Variants in PUM2 observed in about 807,000 individuals in gnomAD.
PUM2 encodes the protein pumilio homolog 2.
In PUM2, 57 loss-of-function variants were observed where a neutral mutation model predicts 124.5. The ratio of observed to expected loss-of-function variants is 0.46; its 90% confidence interval spans 0.37 to 0.57. The LOEUF (loss-of-function observed/expected upper bound fraction) is 0.57, where lower values mean the gene tolerates loss of function less well. Among genes scored for constraint, PUM2 ranks in the 20% least tolerant of loss-of-function variants. The pLI, the probability that PUM2 is intolerant of heterozygous loss-of-function variation, is 0.00. For missense variants in PUM2, 1,065 were observed against 1,290.6 expected, an observed-to-expected ratio of 0.83 and a Z score of 2.68; for synonymous variants, 460 against 446.1, an observed-to-expected ratio of 1.03 and a Z score of -0.39.
chr2:20,255,436 A>G (rs1303464751), intron 17 of PUM2, 95 bp from the exon 18 acceptor site: 2 of 1,225,630 alleles, frequency 1.6e-6, no homozygotes, highest in Non-Finnish European at 2.3e-6. Flanking sequence ...TTTTGACAAC[A>G]CCTAAAAGCA....
chr2:20,319,335 T>C (rs1681754076), intron 2 of PUM2, among the ~76,000 whole-genome samples: 1 of 152,216 alleles, frequency 6.6e-6, no homozygotes, highest in African/African-American at 2.4e-5. Context: ...CCCTGTCGCT[T>C]AGGAGGTGGC....
intron 10 of PUM2, among the ~76,000 whole-genome samples, chr2:20,285,681 A>G (rs1672561626): frequency 6.6e-6 from 1 of 152,176 alleles, no homozygotes; most frequent in African/African-American, 2.4e-5. Context: ...CATGCCAGCC[A>G]CTATTCTAGG....
At chr2:20,265,897 A>G (rs1266050977) in intron 13 of PUM2, among the ~76,000 whole-genome samples, 2 of 152,160 alleles carry the variant, frequency 1.3e-5, no homozygotes, top group African/African-American at 4.8e-5. Flanking sequence ...TTTCGACACC[A>G]AATTCAAAAT....
chr2:20,303,842 C>A (rs1677581459), intron 7 of PUM2, among the ~76,000 whole-genome samples: 1 of 152,196 alleles, frequency 6.6e-6, no homozygotes, highest in Admixed American at 6.5e-5. Context: ...CTTTTCACAG[C>A]AATCTGTTGT....
chr2:20,252,467 C>T (rs1052673850), intron 20 of PUM2, among the ~76,000 whole-genome samples: 2 of 152,084 alleles, frequency 1.3e-5, no homozygotes, highest in African/African-American at 4.8e-5. Flanking sequence ...AATCAGAAGA[C>T]CAAAACACTT....
intron 1 of PUM2, among the ~76,000 whole-genome samples, chr2:20,327,867 G>A (rs1447997908): frequency 5.3e-5 from 8 of 152,174 alleles, no homozygotes; most frequent in African/African-American, 1.9e-4. Context: ...GAATCCCAGA[G>A]AGGACACGCC....
intron 12 of PUM2, among the ~76,000 whole-genome samples, chr2:20,281,774 T>C (rs1237704043): frequency 6.6e-6 from 1 of 152,222 alleles, no homozygotes; most frequent in East Asian, 1.9e-4. Context: ...TCAGATAATT[T>C]TGTGTCAGTC....
chr2:20,252,640 T>G (rs889703854), intron 20 of PUM2, among the ~76,000 whole-genome samples: 2 of 152,248 alleles, frequency 1.3e-5, no homozygotes, highest in Non-Finnish European at 2.9e-5. Context: ...TAAGTTTTCC[T>G]GCTGCAATTA....
chr2:20,272,835 T>C (rs1303481627), intron 13 of PUM2, among the ~76,000 whole-genome samples: 1 of 152,200 alleles, frequency 6.6e-6, no homozygotes. Context: ...CCATCAGCAT[T>C]TTATAGTTTA....
chr2:20,268,979 T>C (rs1233301750), intron 13 of PUM2, among the ~76,000 whole-genome samples: 2 of 152,120 alleles, frequency 1.3e-5, no homozygotes, highest in Non-Finnish European at 2.9e-5. Context: ...ATTTTACTTG[T>C]GAGACAACAG....
intron 4 of PUM2, 139 bp from the exon 5 acceptor site, chr2:20,311,802 T>A: frequency 9.7e-7 from 1 of 1,033,136 alleles, no homozygotes. Flanking sequence ...AGTCAATTAA[T>A]TTATCAAAGG....
At chr2:20,267,801 T>C (rs960846418) in intron 13 of PUM2, among the ~76,000 whole-genome samples, 2 of 152,178 alleles carry the variant, frequency 1.3e-5, no homozygotes, top group Admixed American at 1.3e-4. Context: ...CATACGACAG[T>C]GTGCCAATCT....
At chr2:20,321,472 C>T (rs1237283427) in intron 2 of PUM2, among the ~76,000 whole-genome samples, 1 of 152,088 alleles carries the variant, frequency 6.6e-6, no homozygotes, top group East Asian at 1.9e-4. Context: ...GAAATTAACA[C>T]TCTACCAAAG....
At chr2:20,326,153 A>G in intron 2 of PUM2, 1 of 1,013,666 alleles carries the variant, frequency 9.9e-7, no homozygotes, top group South Asian at 1.7e-5. Flanking sequence ...TTTTGTTTAC[A>G]AAAAAAATTC....
intron 16 of PUM2, among the ~76,000 whole-genome samples, chr2:20,256,760 T>G (rs1664870738): frequency 6.6e-6 from 1 of 152,080 alleles, no homozygotes; most frequent in African/African-American, 2.4e-5. Context: ...AATAAAGTGC[T>G]TATAGCCAGA....
intron 20 of PUM2, 42 bp downstream of exon 20, chr2:20,253,780 C>A (rs1161543306): frequency 1.3e-6 from 2 of 1,533,738 alleles, no homozygotes; most frequent in Admixed American, 3.6e-5. Flanking sequence ...GTAGCCTAAA[C>A]ACAAAGACAA....
intron 14 of PUM2, among the ~76,000 whole-genome samples, chr2:20,262,409 A>G (rs539964070): frequency 4.6e-5 from 7 of 152,400 alleles, no homozygotes; most frequent in African/African-American, 1.7e-4. Context: ...TACAGTATTC[A>G]GTACAGTGAC....
intron 7 of PUM2, among the ~76,000 whole-genome samples, chr2:20,303,447 T>TC: frequency 6.6e-6 from 1 of 151,520 alleles, no homozygotes; most frequent in Non-Finnish European, 1.5e-5. Flanking sequence ...TTTTTTTTTT[T>TC]TTTTTCAAAA....
chr2:20,336,571 C>T (rs1686074656), intron 1 of PUM2, among the ~76,000 whole-genome samples: 1 of 151,554 alleles, frequency 6.6e-6, no homozygotes, highest in African/African-American at 2.4e-5. Flanking sequence ...AGATGGAGCA[C>T]AGTGACGTAA....
Sources: allele counts gnomAD v4.1 joint callset (sites outside exome capture counted in the v4.1 genomes callset), GRCh38; gene constraint gnomAD v4.1.1; transcripts MANE v1.5; gene names NCBI Gene and HGNC (gene_info 2026-07-23, HGNC 2026-07-21).